The following TRHDE variants were observed in gnomAD, a reference collection of about 807,000 sequenced individuals.
TRHDE encodes the protein thyrotropin releasing hormone degrading enzyme, also known as thyrotropin-releasing hormone-degrading ectoenzyme.
In TRHDE, 72 loss-of-function variants were observed where a neutral mutation model predicts 125.7. That is an observed-to-expected ratio of 0.57 (90% CI 0.47 to 0.70). The LOEUF is 0.70. Among genes scored for constraint, TRHDE ranks in the 30% least tolerant of loss-of-function variants. The pLI is 0.00. For synonymous variants in TRHDE, 509 were observed against 509.1 expected (o/e 1.00, Z 0.00); for missense variants, 1,110 against 1,327.1 (o/e 0.84, Z 2.54).
intron 9 of TRHDE, among the ~76,000 whole-genome samples, chr12:72,567,762 G>A (rs941007122): frequency 1.3e-5 from 2 of 152,010 alleles, no homozygotes; most frequent in Non-Finnish European, 2.9e-5. Context: ...TTTCAAGAAG[G>A]AAACAAATAT....
intron 2 of TRHDE, among the ~76,000 whole-genome samples, chr12:72,209,790 C>G (rs974543633): frequency 4.6e-5 from 7 of 152,148 alleles, no homozygotes; most frequent in Non-Finnish European, 7.4e-5. Context: ...TACTTTCAAA[C>G]AAATTATGGC....
chr12:72,443,266 TC>T lies in TRHDE; in HGVS notation c.1316-26490del, dbSNP rs769979802. ...CTTTATGTGCTTGAGATGCCTTGTATCCTCATTCTTTTTGTTCATAACTTCT... is the reference window on the plus strand; with the variant it reads ...CTTTATGTGCTTGAGATGCCTTGTATCTCATTCTTTTTGTTCATAACTTCT... On this transcript the variant is annotated intron_variant, in intron 3 of 18. Coordinates refer to ENST00000261180, the MANE Select transcript of TRHDE (RefSeq NM_013381.3). Among the ~76,000 whole-genome samples the T allele has an allele frequency of 4.0e-5, 6 of 151,474 alleles. No homozygotes were observed. In the South Asian group the frequency reaches 1.2e-3, roughly 32 times the overall value.
chr12:72,132,366 C>T (rs1296679561), intron 2 of TRHDE, among the ~76,000 whole-genome samples: 1 of 152,174 alleles, frequency 6.6e-6, no homozygotes, highest in Non-Finnish European at 1.5e-5. Context: ...CATTCTCATT[C>T]TTTCAGGGGG....
intron 5 of TRHDE, among the ~76,000 whole-genome samples, chr12:72,473,569 A>C (rs542523882): frequency 3.2e-4 from 49 of 152,260 alleles, no homozygotes; most frequent in African/African-American, 1.1e-3. Context: ...AACACAAAAA[A>C]TACCTAAAAG....
intron 6 of TRHDE, among the ~76,000 whole-genome samples, chr12:72,518,708 T>C (rs1358476014): frequency 6.6e-6 from 1 of 152,168 alleles, no homozygotes; most frequent in African/African-American, 2.4e-5. Context: ...CTGGTTATTT[T>C]GCTCGTTAGT....
chr12:72,554,855 C>T (rs138960715), intron 7 of TRHDE, among the ~76,000 whole-genome samples: 1 of 152,230 alleles, frequency 6.6e-6, no homozygotes, highest in African/African-American at 2.4e-5. Context: ...AGGACCCTGT[C>T]ACCTTGTTCT....
chr12:72,552,300 T>A (rs1869716269), intron 7 of TRHDE, among the ~76,000 whole-genome samples: 1 of 152,106 alleles, frequency 6.6e-6, no homozygotes, highest in Non-Finnish European at 1.5e-5. Flanking sequence ...GCTTAAATGG[T>A]TCATAGAAAT....
chr12:72,112,850 T>G (rs1875352346), intron 2 of TRHDE, among the ~76,000 whole-genome samples: 1 of 152,180 alleles, frequency 6.6e-6, no homozygotes, highest in Admixed American at 6.5e-5. Flanking sequence ...TTTAGCCATG[T>G]GATCGTTTTA....
intron 3 of TRHDE, among the ~76,000 whole-genome samples, chr12:72,428,948 TA>T (rs1874305438): frequency 1.3e-5 from 2 of 152,116 alleles, no homozygotes; most frequent in Admixed American, 6.6e-5. Flanking sequence ...TCCTTATGGC[TA>T]AAATTCCATT....
At chr12:72,127,661 T>C (rs1196579939) in intron 2 of TRHDE, among the ~76,000 whole-genome samples, 1 of 151,940 alleles carries the variant, frequency 6.6e-6, no homozygotes, top group Non-Finnish European at 1.5e-5. Flanking sequence ...ATGGCAACAA[T>C]AGACACTAGA....
intron 2 of TRHDE, among the ~76,000 whole-genome samples, chr12:72,293,424 A>G (rs1381427050): frequency 1.3e-5 from 2 of 152,170 alleles, no homozygotes; most frequent in African/African-American, 4.8e-5. Flanking sequence ...CAGATTACAG[A>G]TGGACCTAGG....
intron 5 of TRHDE, among the ~76,000 whole-genome samples, chr12:72,479,998 T>A: frequency 6.6e-6 from 1 of 151,428 alleles, no homozygotes; most frequent in African/African-American, 2.4e-5. Context: ...GAACTCATCC[T>A]TTTTTATGGC....
chr12:72,113,056 C>T (rs1295383244), intron 2 of TRHDE, among the ~76,000 whole-genome samples: 5 of 152,246 alleles, frequency 3.3e-5, no homozygotes, highest in East Asian at 3.9e-4. Flanking sequence ...CTCACTTTGT[C>T]ACCCAGGCTG....
rs200664843 is a variant in TRHDE, at chr12:72,602,028, T to C, written c.2322-16863T>C. Among the ~76,000 whole-genome samples the C allele has an allele frequency of 9.8e-5, 15 of 152,310 alleles. No homozygotes were observed. The East Asian group carries it at 1.7e-3, about 18-fold the overall frequency. On this transcript the variant is annotated intron_variant, in intron 12 of 18. Coordinates refer to ENST00000261180, the MANE Select transcript of TRHDE (RefSeq NM_013381.3). ...GGTGAAGAACAAGTTGAATTCTTTA[T>C]AGATACTAATTGAATATCCTATCAG...
intron 16 of TRHDE, 150 bp from the exon 17 acceptor site, chr12:72,652,866 A>AT: frequency 2.2e-6 from 1 of 464,916 alleles, no homozygotes; most frequent in Non-Finnish European, 3.6e-6. Flanking sequence ...ATAAACAGAA[A>AT]TGTGTTCTAT....
At chr12:72,543,780 GATT>G (rs1428615386) in intron 7 of TRHDE, among the ~76,000 whole-genome samples, 1 of 144,690 alleles carries the variant, frequency 6.9e-6, no homozygotes, top group Admixed American at 7.1e-5. Flanking sequence ...ATTTGGAAAG[GATT>G]ATTATTTGGA....
intron 2 of TRHDE, among the ~76,000 whole-genome samples, chr12:72,259,317 G>A (rs1221695089): frequency 6.6e-6 from 1 of 152,018 alleles, no homozygotes; most frequent in African/African-American, 2.4e-5. Flanking sequence ...TTGGTCAGTA[G>A]GAGCTCCTTC....
intron 2 of TRHDE, among the ~76,000 whole-genome samples, chr12:72,171,311 C>T (rs1009197713): frequency 1.1e-4 from 16 of 152,148 alleles, no homozygotes. Flanking sequence ...GGAAAAGACC[C>T]AGGCTCTCAC....
chr12:72,530,599 G>A (rs971908253), intron 6 of TRHDE, among the ~76,000 whole-genome samples: 2 of 144,122 alleles, frequency 1.4e-5, no homozygotes, highest in South Asian at 4.5e-4. Context: ...TGGGAGCCTG[G>A]GACTTCTAGC....
Sources: gnomAD v4.1 joint callset for allele counts (sites outside exome capture counted in the v4.1 genomes callset) on GRCh38, gnomAD v4.1.1 for gene constraint, MANE v1.5 for transcripts, NCBI Gene and HGNC (gene_info 2026-07-23, HGNC 2026-07-21) for gene names.